SUN1: variants seen among roughly 807,000 people sequenced by gnomAD.
SUN1 encodes the protein SUN domain-containing protein 1.
SUN1 carries 61 observed loss-of-function variants against 103.2 expected under a neutral mutation model. The observed-to-expected ratio is 0.59, with a 90% confidence interval of 0.48 to 0.73. The LOEUF is 0.73. Among genes scored for constraint, SUN1 ranks in the 30% least tolerant of loss-of-function variants. SUN1 has a pLI of 0.00. For synonymous variants in SUN1, 490 were observed against 425.7 expected, an observed-to-expected ratio of 1.15 and a Z score of -1.86; for missense variants, 1,052 against 1,034.6, an observed-to-expected ratio of 1.02 and a Z score of -0.23.
Position 841,979 on chromosome 7 carries a change from A to T in SUN1, c.300A>T (p.Ser100=). Residue 100 remains serine, a synonymous_variant, in exon 3 of 19, where the codon TCA becomes TCT. Transcript: ENST00000401592. ...TTKQRRSTNK[S]AFSINHVSRQ... ...AACAGCGCAGAAGCACAAACAAATCAGCTTTTAGTATCAACCACGTGTCAA... is the reference window on the plus strand; with the variant it reads ...AACAGCGCAGAAGCACAAACAAATCTGCTTTTAGTATCAACCACGTGTCAA... 1 of 1,614,176 alleles carries T rather than the reference A, an allele frequency of 6.2e-7. No individual in the cohort carries two copies. Among genetic ancestry groups the T allele is most frequent in the Non-Finnish European group, 8.5e-7 (1 of 1,180,040 alleles).
intron 18 of SUN1, among the ~76,000 whole-genome samples, 181 bp from the exon 19 acceptor site, chr7:873,034 C>T (rs548490958): frequency 2.8e-3 from 420 of 152,332 alleles, no homozygotes; most frequent in Middle Eastern, 0.01. Flanking sequence ...TTGCAGTGAG[C>T]TGAGATCGTG....
intron 1 of SUN1, among the ~76,000 whole-genome samples, chr7:821,886 C>G (rs184969982): frequency 2.6e-5 from 4 of 152,198 alleles, no homozygotes; most frequent in South Asian, 2.1e-4. Flanking sequence ...GGCCCAGTGT[C>G]GTCGGCCTCA....
intron 13 of SUN1, 98 bp from the exon 14 acceptor site, chr7:860,030 G>A (rs374446863): frequency 1.4e-6 from 2 of 1,422,190 alleles, no homozygotes; most frequent in South Asian, 1.4e-5. Context: ...ATTTTGAGAG[G>A]ATATATAATT....
At chr7:871,798 A>G (rs903584128) in intron 17 of SUN1, among the ~76,000 whole-genome samples, 5 of 152,230 alleles carry the variant, frequency 3.3e-5, no homozygotes, top group Non-Finnish European at 7.3e-5. Context: ...CCATTTCAAA[A>G]TAGATATGCA....
intron 2 of SUN1, among the ~76,000 whole-genome samples, chr7:840,881 TCCA>T (rs1436947622): frequency 6.6e-6 from 1 of 152,060 alleles, no homozygotes; most frequent in East Asian, 1.9e-4. Context: ...GACCTCGTGA[TCCA>T]CCTGTCTTGG....
chr7:826,448 C>T (rs553798216), intron 1 of SUN1, among the ~76,000 whole-genome samples: 17 of 152,276 alleles, frequency 1.1e-4, no homozygotes, highest in African/African-American at 3.9e-4. Flanking sequence ...CATCGCTGCC[C>T]AGCCGGGTGG....
chr7:855,385 C>G (rs1398513064), intron 11 of SUN1, among the ~76,000 whole-genome samples: 2 of 152,220 alleles, frequency 1.3e-5, no homozygotes, highest in African/African-American at 4.8e-5. Flanking sequence ...AACCTTTTGA[C>G]AGACAGCACT....
At chr7:838,441 T>C (rs1056319846) in intron 1 of SUN1, among the ~76,000 whole-genome samples, 2 of 152,282 alleles carry the variant, frequency 1.3e-5, no homozygotes, top group Middle Eastern at 3.4e-3. Context: ...GTCCGCGTAG[T>C]GTTGACGAGG....
At chr7:838,764 C>G in intron 1 of SUN1, 34 bp from the exon 2 acceptor site, 1 of 1,493,772 alleles carries the variant, frequency 6.7e-7, no homozygotes, top group Middle Eastern at 1.7e-4. Context: ...GGGCTATAAG[C>G]ACTGCTTACC....
At chr7:816,873 T>G (rs1243973250) in intron 1 of SUN1, 4 of 150,340 alleles carry the variant, frequency 2.7e-5, no homozygotes, top group African/African-American at 9.7e-5. Context: ...CCCGCGCAGG[T>G]GAAGACGCCC....
chr7:858,980 C>T (rs534804697), intron 13 of SUN1, among the ~76,000 whole-genome samples: 2 of 152,022 alleles, frequency 1.3e-5, no homozygotes, highest in Non-Finnish European at 2.9e-5. Context: ...ATGGTGAAAC[C>T]GCGTCTCTAC....
intron 5 of SUN1, among the ~76,000 whole-genome samples, chr7:844,444 T>G (rs1043687996): frequency 6.6e-6 from 1 of 152,228 alleles, no homozygotes; most frequent in Non-Finnish European, 1.5e-5. Flanking sequence ...TTGTCCAGTA[T>G]TATTCAAATG....
chr7:832,727 A>AG, intron 1 of SUN1, 126 bp downstream of exon 1: 1 of 749,704 alleles, frequency 1.3e-6, no homozygotes, highest in Non-Finnish European at 2.3e-6. Flanking sequence ...GTGAAAAAAA[A>AG]TAATAAACTG....
chr7:830,865 G>A (rs565938725), upstream of SUN1: 4,548 of 823,376 alleles, frequency 5.5e-3, 19 homozygotes, highest in Non-Finnish European at 6.1e-3. Flanking sequence ...GTTGTTGCTC[G>A]GCAGTGCAGG....
At chr7:824,970 C>T (rs1275532869) in intron 1 of SUN1, among the ~76,000 whole-genome samples, 2 of 152,138 alleles carry the variant, frequency 1.3e-5, no homozygotes, top group Non-Finnish European at 2.9e-5. Context: ...AGTGGGAGAC[C>T]TTGAATTGGA....
chr7:817,539 G>A, intron 1 of SUN1: 1 of 1,533,618 alleles, frequency 6.5e-7, no homozygotes, highest in Non-Finnish European at 8.7e-7. Context: ...TCGCTTTGCA[G>A]CTTGTGGTTG....
chr7:863,238 C>T (rs1251632825), intron 15 of SUN1, among the ~76,000 whole-genome samples: 1 of 151,464 alleles, frequency 6.6e-6, no homozygotes, highest in African/African-American at 2.4e-5. Flanking sequence ...CCGAGCTCGC[C>T]CTTGCTGCCC....
At chr7:834,283 T>C (rs1028158100) in intron 1 of SUN1, among the ~76,000 whole-genome samples, 3 of 151,888 alleles carry the variant, frequency 2.0e-5, no homozygotes, top group Non-Finnish European at 4.4e-5. Context: ...CCTGAAAGGA[T>C]TTAAAGGTGG....
upstream of SUN1, chr7:816,246 C>CTCCCCCAGGTGCAGATCCT (rs1780422575): frequency 9.6e-6 from 2 of 208,844 alleles, no homozygotes; most frequent in African/African-American, 5.8e-5. Context: ...GTGCAGATCC[C>CTCCCCCAGGTGCAGATCCT]TCCCCCAGAT....
Sources: gnomAD v4.1 joint callset for allele counts (sites outside exome capture counted in the v4.1 genomes callset) on GRCh38, gnomAD v4.1.1 for gene constraint, MANE v1.5 for transcripts, NCBI Gene and HGNC (gene_info 2026-07-23, HGNC 2026-07-21) for gene names.